Variants in APBA1 observed in about 807,000 individuals in gnomAD.
The protein encoded by APBA1 is amyloid beta precursor protein binding family A member 1.
APBA1 carries 55 observed loss-of-function variants against 86.6 expected under a neutral mutation model. The ratio of observed to expected loss-of-function variants is 0.64; its 90% CI spans 0.51 to 0.80. The LOEUF (loss-of-function observed/expected upper bound fraction) is 0.80, where lower values mean the gene tolerates loss of function less well. APBA1 is among the 30% of genes least tolerant of loss of function. APBA1 has a pLI of 0.00. For missense variants in APBA1, 1,090 were observed against 1,183.0 expected (o/e 0.92, Z 1.15); for synonymous variants, 511 against 493.9 (o/e 1.03, Z -0.46).
At chr9:69,467,688 G>A (rs1421282928) in intron 5 of APBA1, 135 bp downstream of exon 5, 2 of 1,221,360 alleles carry the variant, frequency 1.6e-6, no homozygotes, top group Non-Finnish European at 2.3e-6. Flanking sequence ...CAGGCACATG[G>A]ATAAGCACTG....
intron 11 of APBA1, among the ~76,000 whole-genome samples, chr9:69,436,728 T>C (rs529747700): frequency 4.6e-5 from 7 of 152,042 alleles, no homozygotes; most frequent in East Asian, 3.9e-4. Flanking sequence ...CAAACAGGGA[T>C]AATTTGACTT....
chr9:69,665,316 TTC>T (rs139492036), intron 1 of APBA1, among the ~76,000 whole-genome samples: 1,616 of 152,284 alleles, frequency 0.011, 25 homozygotes, highest in African/African-American at 0.037. Flanking sequence ...ATTTTCTCCA[TTC>T]TCTCACTTGT....
At chr9:69,660,780 T>C (rs1037545650) in intron 1 of APBA1, among the ~76,000 whole-genome samples, 23 of 152,192 alleles carry the variant, frequency 1.5e-4, no homozygotes, top group Admixed American at 1.3e-4. Context: ...GTGGGGGGCA[T>C]ACTATACATA....
intron 1 of APBA1, among the ~76,000 whole-genome samples, chr9:69,664,134 G>A (rs758429421): frequency 1.2e-4 from 18 of 152,146 alleles, no homozygotes; most frequent in South Asian, 2.1e-4. Context: ...GAAGATAGCC[G>A]GAAATAAACT....
At chr9:69,565,808 CT>C (rs1217461313) in intron 1 of APBA1, among the ~76,000 whole-genome samples, 5 of 152,218 alleles carry the variant, frequency 3.3e-5, no homozygotes, top group Non-Finnish European at 4.4e-5. Context: ...TTCTCCTCCC[CT>C]GTCTTTGCTT....
chr9:69,445,213 AATTGAT>A (rs1303630876), intron 10 of APBA1, among the ~76,000 whole-genome samples: 1 of 152,168 alleles, frequency 6.6e-6, no homozygotes, highest in Non-Finnish European at 1.5e-5. Context: ...CTTCTCTGTG[AATTGAT>A]TTGGGATGCC....
chr9:69,566,965 C>T (rs912849785), intron 1 of APBA1, among the ~76,000 whole-genome samples: 3 of 152,136 alleles, frequency 2.0e-5, no homozygotes, highest in Admixed American at 6.6e-5. Context: ...TTATTTCTTC[C>T]TGTATCCCAA....
chr9:69,451,664 TGAATA>T (rs1835011504), intron 9 of APBA1, among the ~76,000 whole-genome samples: 1 of 152,196 alleles, frequency 6.6e-6, no homozygotes, highest in Non-Finnish European at 1.5e-5. Context: ...CAGGCATTCC[TGAATA>T]GCTCAGTTTG....
At chr9:69,628,230 G>A (rs2133995640) in intron 1 of APBA1, among the ~76,000 whole-genome samples, 1 of 152,226 alleles carries the variant, frequency 6.6e-6, no homozygotes, top group East Asian at 1.9e-4. Context: ...AAACTAATGA[G>A]CATGCAAGTA....
intron 2 of APBA1, among the ~76,000 whole-genome samples, chr9:69,490,931 C>T (rs1482683464): frequency 6.6e-6 from 1 of 150,696 alleles, no homozygotes; most frequent in African/African-American, 2.5e-5. Context: ...GTTAGAATGG[C>T]GATCACTAAA....
intron 1 of APBA1, among the ~76,000 whole-genome samples, chr9:69,620,832 TAC>T (rs1822801010): frequency 6.6e-6 from 1 of 152,196 alleles, no homozygotes; most frequent in Admixed American, 6.5e-5. Flanking sequence ...AGGGAGGTGT[TAC>T]AGTGTGCAGG....
Position 69,584,982 on chromosome 9 carries a change from G to A in APBA1, c.-69-67703C>T, listed in dbSNP as rs189449289. ...CTGTGGACAGATTAGAGCCAGCCAA[G>A]CCCACAAGAATGGAATGTTGACTTG... On this transcript the variant is annotated intron_variant, in intron 1 of 12. Coordinates refer to ENST00000265381, the MANE Select transcript of APBA1 (RefSeq NM_001163.4). Among the ~76,000 whole-genome samples, 187 of 152,268 alleles carry A rather than the reference G, an allele frequency of 1.2e-3. 1 individual carries two copies. Among genetic ancestry groups the A allele is most frequent in the African/African-American group, 4.4e-3 (181 of 41,556 alleles).
At chr9:69,481,883 T>C (rs1378881437) in intron 2 of APBA1, among the ~76,000 whole-genome samples, 1 of 152,036 alleles carries the variant, frequency 6.6e-6, no homozygotes, top group South Asian at 2.1e-4. Flanking sequence ...GGATTCCCTA[T>C]TTAATAAATA....
rs542534636 is a variant in APBA1, at chr9:69,615,507, AGAGT to A, written c.-70+56642_-70+56645del. ...CCTGGCTTCAAGGGTTCCCAGCCTT[AGAGT>A]GAGTGAGTAAAAATGCCATTTCATG... On this transcript the variant is annotated intron_variant, in intron 1 of 12. Transcript: ENST00000265381. Among the ~76,000 whole-genome samples, 249 of 152,306 alleles carry A rather than the reference AGAGT, an allele frequency of 1.6e-3. 1 individual carries two copies. The highest frequency in any genetic ancestry group is 5.7e-3 in the African/African-American group (237 of 41,570).
At position 69,428,915 on chromosome 9, in the gene APBA1, T is replaced by C. The variant is rs138446518; in HGVS notation, c.*2412A>G. 1 of 152,378 alleles carries C rather than the reference T, an allele frequency of 6.6e-6. No homozygotes were observed. The highest frequency in any genetic ancestry group is 2.4e-5 in the African/African-American group (1 of 41,596). The allele number at this position is 152,378 out of a possible 1,614,324, so 9.4% of individuals were successfully genotyped here. On this transcript the variant is annotated 3_prime_UTR_variant, in exon 13 of 13. Transcript: ENST00000265381. ...TGGCAGAGAAATCTTCTCACTCTAA[T>C]GTTACAATGTCAGTCCTCTAGGAGA...
At chr9:69,638,229 T>C (rs934622284) in intron 1 of APBA1, among the ~76,000 whole-genome samples, 4 of 151,068 alleles carry the variant, frequency 2.6e-5, no homozygotes, top group Non-Finnish European at 4.5e-5. Flanking sequence ...GTGCATATTT[T>C]GTTTTTGTTT....
chr9:69,467,820 C>G lies in APBA1; in HGVS notation c.1482+3G>C, dbSNP rs1835303131. 6.2e-7 allele frequency: 1 copy of G among 1,614,184 alleles called. No homozygotes were observed. Among genetic ancestry groups the G allele is most frequent in the East Asian group, 2.2e-5 (1 of 44,892 alleles). ...CCCTGTTGGAGCACCCAGATGTCCT[C>G]ACCTTGATCCTGCTTACGGCTTCCT... On this transcript the variant is annotated splice_donor_region_variant and intron_variant, in intron 5 of 12. Coordinates refer to ENST00000265381, the MANE Select transcript of APBA1 (RefSeq NM_001163.4).
chr9:69,606,528 G>A (rs1176613720), intron 1 of APBA1, among the ~76,000 whole-genome samples: 1 of 112,230 alleles, frequency 8.9e-6, no homozygotes, highest in African/African-American at 3.4e-5. Flanking sequence ...GTCTCGCTCT[G>A]TCGCCCAGGC....
chr9:69,655,448 C>G (rs1393786972), intron 1 of APBA1, among the ~76,000 whole-genome samples: 2 of 151,752 alleles, frequency 1.3e-5, no homozygotes, highest in African/African-American at 4.8e-5. Context: ...CAATAACAAA[C>G]TATTCGAAAA....
Sources: allele counts gnomAD v4.1 joint callset (sites outside exome capture counted in the v4.1 genomes callset), GRCh38; gene constraint gnomAD v4.1.1; transcripts MANE v1.5; gene names NCBI Gene and HGNC (gene_info 2026-07-23, HGNC 2026-07-21).